Variants in EDRF1 observed in about 807,000 individuals in gnomAD.
EDRF1 encodes the protein erythroid differentiation-related factor 1.
A neutral mutation model predicts 148.7 loss-of-function variants in EDRF1; 69 were observed. The observed-to-expected ratio is 0.46, with a 90% CI of 0.38 to 0.57. The LOEUF is 0.57. Among genes scored for constraint, EDRF1 ranks in the 20% least tolerant of loss-of-function variants. The probability of loss-of-function intolerance (pLI) is 0.00; values close to 1 mark genes in which losing one functional copy is unlikely to be tolerated. For synonymous variants in EDRF1, 515 were observed against 532.8 expected, an observed-to-expected ratio of 0.97 and a Z score of 0.46; for missense variants, 1,118 against 1,478.7, an observed-to-expected ratio of 0.76 and a Z score of 4.00.
intron 19 of EDRF1, among the ~76,000 whole-genome samples, chr10:125,746,523 C>T (rs945100308): frequency 2.0e-5 from 3 of 152,120 alleles, no homozygotes; most frequent in Admixed American, 2.0e-4. Flanking sequence ...AAAATGTACA[C>T]ATTTTTTAAA....
At chr10:125,760,564 CAA>C (rs1430722101) in intron 24 of EDRF1, among the ~76,000 whole-genome samples, 1 of 152,088 alleles carries the variant, frequency 6.6e-6, no homozygotes, top group Non-Finnish European at 1.5e-5. Context: ...AGTTTCAAAA[CAA>C]AAATATTAAT....
intron 1 of EDRF1, among the ~76,000 whole-genome samples, 187 bp from the exon 2 acceptor site, chr10:125,721,017 T>G (rs1355234247): frequency 6.6e-6 from 1 of 152,192 alleles, no homozygotes; most frequent in East Asian, 1.9e-4. Context: ...CTTTTTTCTT[T>G]GAAGTTGGTG....
At chr10:125,741,719 A>G in intron 17 of EDRF1, 1 of 171,388 alleles carries the variant, frequency 5.8e-6, no homozygotes, top group Non-Finnish European at 1.2e-5. Flanking sequence ...TTTGAGACAC[A>G]GTCTCGCTCT....
intron 2 of EDRF1, among the ~76,000 whole-genome samples, 159 bp from the exon 3 acceptor site, chr10:125,722,909 C>G (rs1202944009): frequency 6.6e-6 from 1 of 152,034 alleles, no homozygotes. Flanking sequence ...GAAAAAAAAA[C>G]TTGCCAACTG....
intron 12 of EDRF1, 63 bp downstream of exon 12, chr10:125,734,246 T>A: frequency 7.9e-7 from 1 of 1,269,098 alleles, no homozygotes; most frequent in Non-Finnish European, 1.2e-6. Context: ...GATTGTTACC[T>A]AGACAGTAAA....
chr10:125,758,034 A>G (rs1435260553), intron 24 of EDRF1, among the ~76,000 whole-genome samples: 2 of 151,356 alleles, frequency 1.3e-5, no homozygotes, highest in Non-Finnish European at 2.9e-5. Context: ...TTTTGATGCC[A>G]TTTTTTCCTT....
In EDRF1 at chr10:125,720,063, C is replaced by T. The variant is rs549633631; in HGVS notation, c.108+148C>T. ...AAAACAGGGAGTTGAAGTCCATGCTCCAGTCGGCAGGTATTCGTATTAAAA... is the reference window on the plus strand; with the variant it reads ...AAAACAGGGAGTTGAAGTCCATGCTTCAGTCGGCAGGTATTCGTATTAAAA... On this transcript the variant is annotated intron_variant, in intron 1 of 24. Coordinates refer to ENST00000356792, the MANE Select transcript of EDRF1 (RefSeq NM_001202438.2). 75 of 668,590 alleles carry T rather than the reference C, an allele frequency of 1.1e-4. No homozygotes were observed. In the African/African-American group the frequency reaches 1.2e-3, roughly 11 times the overall value. 41.4% of individuals were successfully genotyped at this position (668,590 alleles called of 1,614,324 possible).
At chr10:125,725,223 A>G in intron 4 of EDRF1, 95 bp from the exon 5 acceptor site, 1 of 1,466,800 alleles carries the variant, frequency 6.8e-7, no homozygotes, top group South Asian at 1.2e-5. Flanking sequence ...GAAACTATTC[A>G]AAAAATAATA....
chr10:125,719,829 G>A lies in EDRF1; in HGVS notation c.22G>A (p.Gly8Arg), dbSNP rs1378855411. Reference sequence around the variant, plus strand: ...AGTGATGGGGGATGCCAAGGAGGCCGGAGCCGAGGGTCCGCCGGCCGGGGC... The same window carrying A: ...AGTGATGGGGGATGCCAAGGAGGCCAGAGCCGAGGGTCCGCCGGCCGGGGC... Reference protein sequence around the residue: MGDAKEAGAEGPPAGAAA... With the variant: MGDAKEARAEGPPAGAAA... Residue 8 changes from glycine (G) to arginine (R), a missense_variant, in exon 1 of 25, where the codon GGA becomes AGA. Physicochemically the swap from Gly to Arg is moderately radical, Grantham distance 125 (BLOSUM62 -2). Coordinates refer to ENST00000356792, the MANE Select transcript of EDRF1 (RefSeq NM_001202438.2). 3 of 1,611,642 alleles carry A rather than the reference G, an allele frequency of 1.9e-6. No homozygotes were observed. Among genetic ancestry groups the A allele is most frequent in the South Asian group, 1.1e-5 (1 of 90,932 alleles).
chr10:125,727,361 A>G (rs1024468237), intron 6 of EDRF1, among the ~76,000 whole-genome samples: 16 of 152,232 alleles, frequency 1.1e-4, no homozygotes, highest in Non-Finnish European at 2.2e-4. Context: ...TTTGCAAGCT[A>G]TCTCTGCACA....
intron 17 of EDRF1, 110 bp from the exon 18 acceptor site, chr10:125,742,948 C>T: frequency 6.6e-7 from 1 of 1,504,630 alleles, no homozygotes. Flanking sequence ...GGTATACTTA[C>T]ACTATATTGC....
At chr10:125,745,627 CTCT>C (rs1284348580) in intron 18 of EDRF1, 77 bp from the exon 19 acceptor site, 2 of 1,460,528 alleles carry the variant, frequency 1.4e-6, no homozygotes, top group East Asian at 2.3e-5. Context: ...TGCCATCCTC[CTCT>C]TATCTCATCA....
chr10:125,750,774 C>T (rs1225503615), intron 22 of EDRF1, among the ~76,000 whole-genome samples: 1 of 152,162 alleles, frequency 6.6e-6, no homozygotes, highest in African/African-American at 2.4e-5. Context: ...TAATTTTTTG[C>T]TGGCATATAA....
chr10:125,754,124 G>A (rs1463300774), intron 24 of EDRF1, among the ~76,000 whole-genome samples: 1 of 151,330 alleles, frequency 6.6e-6, no homozygotes. Context: ...GCTGAGGCAC[G>A]AGACTTGCTT....
At chr10:125,724,597 G>C (rs1848164054) in intron 4 of EDRF1, among the ~76,000 whole-genome samples, 1 of 152,180 alleles carries the variant, frequency 6.6e-6, no homozygotes, top group Non-Finnish European at 1.5e-5. Flanking sequence ...GCGCTTCTCA[G>C]AATATATCCC....
rs767433400 is a variant in EDRF1 at position 125,745,946 on chromosome 10, A to G, written c.2814+16A>G. ...TTATAATAAGGTAACACATTCGCGTACATGTTGGGCCTCACCCATTCACAC... is the reference window on the plus strand; with the variant it reads ...TTATAATAAGGTAACACATTCGCGTGCATGTTGGGCCTCACCCATTCACAC... On this transcript the variant is annotated intron_variant, in intron 19 of 24. Coordinates refer to ENST00000356792, the MANE Select transcript of EDRF1 (RefSeq NM_001202438.2). 2 of 1,611,750 alleles carry G rather than the reference A, an allele frequency of 1.2e-6. No individual in the cohort carries two copies. Among genetic ancestry groups the G allele is most frequent in the Non-Finnish European group, 1.7e-6 (2 of 1,178,316 alleles).
At chr10:125,742,583 C>T in intron 17 of EDRF1, 1 of 985,236 alleles carries the variant, frequency 1.0e-6, no homozygotes, top group Non-Finnish European at 1.2e-6. Context: ...TTTACTACTC[C>T]CATCATAGCA....
intron 20 of EDRF1, 60 bp from the exon 21 acceptor site, chr10:125,747,803 A>G: frequency 1.2e-6 from 2 of 1,611,970 alleles, no homozygotes; most frequent in Non-Finnish European, 1.7e-6. Context: ...TAAACGTTTT[A>G]AAAACTCCTA....
rs369115382 is a variant in EDRF1, at chr10:125,729,471, A to G, written c.1008A>G (p.Leu336=). 33 of 1,614,088 alleles carry G rather than the reference A, an allele frequency of 2.0e-5. No homozygotes were observed. Among genetic ancestry groups the G allele is most frequent in the African/African-American group, 2.7e-5 (2 of 74,930 alleles). Residue 336 remains leucine (L), a synonymous_variant, in exon 8 of 25, where the codon TTA becomes TTG. Coordinates refer to ENST00000356792, the MANE Select transcript of EDRF1 (RefSeq NM_001202438.2). ...GAGGCAGATACCCAGCAGTCAGCTT[A>G]CGTCTCAGGTGAACTAACATCATAC... ...FGGGRYPAVS[L]RLRDNNKPIN... is the part of the protein sequence containing the mutation.
Sources: gnomAD v4.1 joint callset for allele counts (sites outside exome capture counted in the v4.1 genomes callset) on GRCh38, gnomAD v4.1.1 for gene constraint, MANE v1.5 for transcripts, NCBI Gene and HGNC (gene_info 2026-07-23, HGNC 2026-07-21) for gene names.